IGSF21: variants seen among roughly 807,000 people sequenced by gnomAD.
IGSF21 encodes immunoglobulin superfamily member 21.
Under a neutral mutation model 46.8 loss-of-function variants are expected in IGSF21, and 28 were observed. The observed-to-expected ratio is 0.60, with a 90% CI of 0.44 to 0.82. The LOEUF (loss-of-function observed/expected upper bound fraction) is 0.82. IGSF21 is among the 40% of genes least tolerant of loss of function. The pLI is 0.00. For missense variants in IGSF21, 624 were observed against 665.5 expected (o/e 0.94, Z 0.69); for synonymous variants, 284 against 273.6 (o/e 1.04, Z -0.38).
Position 18,301,471 on chromosome 1 carries a change from C to G in IGSF21, c.305+9484C>G, listed in dbSNP as rs184854789. On this transcript the variant is annotated intron_variant, in intron 3 of 9. Coordinates refer to ENST00000251296, the MANE Select transcript of IGSF21 (RefSeq NM_032880.5). Reference sequence around the variant, plus strand: ...TCTCCTGCCTCAGCCTCCCGAGTAGCTGGGATTACAGGCACCCACCACCAC... The same window carrying G: ...TCTCCTGCCTCAGCCTCCCGAGTAGGTGGGATTACAGGCACCCACCACCAC... Among the ~76,000 whole-genome samples the G allele has an allele frequency of 3.9e-5, 6 of 152,320 alleles. No homozygotes were observed. The East Asian group carries it at 1.2e-3, about 29-fold the overall frequency.
intron 2 of IGSF21, among the ~76,000 whole-genome samples, chr1:18,261,272 G>C (rs79916013): frequency 0.011 from 1,659 of 152,300 alleles, 31 homozygotes; most frequent in African/African-American, 0.038. Context: ...TGCAAGAAGG[G>C]AGAAGAGGAG....
rs1015689054 is a variant in IGSF21 at position 18,147,368 on chromosome 1, G to A, written c.70+39170G>A. The stretch of plus-strand genomic sequence containing the variant: ...CTGGCCCGCTTGCTTTCTCCCAAGC[G>A]TGCTTGTCCAGCCTATGGGCCTTTG... On this transcript the variant is annotated intron_variant, in intron 1 of 9. Transcript: ENST00000251296. Among the ~76,000 whole-genome samples the A allele has an allele frequency of 2.6e-4, 40 of 151,856 alleles. 1 individual carries two copies. The highest frequency in any genetic ancestry group is 8.5e-4 in the Admixed American group (13 of 15,244).
In IGSF21 at chr1:18,376,946, G is replaced by C; in HGVS notation, c.1248G>C (p.Gln416His). 6.2e-7 allele frequency: 1 copy of C among 1,607,202 alleles called. No individual in the cohort carries two copies. Among genetic ancestry groups the C allele is most frequent in the South Asian group, 1.1e-5 (1 of 90,872 alleles). The part of the protein sequence containing the change: ...LNGSMYRCTA[Q>H]NPLGSTDTHT... ...GCTCCATGTATCGCTGCACCGCCCA[G>C]AACCCACTGGGCTCCACCGACACGC... The change falls in exon 8 of 10, where the codon CAG becomes CAC. Residue 416 changes from glutamine to histidine, a missense_variant. Physicochemically the swap from Gln to His is conservative, Grantham distance 24. Transcript: ENST00000251296.
Position 18,173,906 on chromosome 1 carries a change from A to C in IGSF21, c.71-53992A>C, listed in dbSNP as rs191311091. On this transcript the variant is annotated intron_variant, in intron 1 of 9. Coordinates refer to ENST00000251296, the MANE Select transcript of IGSF21 (RefSeq NM_032880.5). ...GTAGCTGGGACTACAGGCGAGTGCC[A>C]CCACGCCCAGCTAATTTTTGTATTT... 3.1e-4 allele frequency among the ~76,000 whole-genome samples: 47 copies of C among 152,226 alleles called. No individual in the cohort carries two copies. In the East Asian group the frequency reaches 8.9e-3, roughly 29 times the overall value.
At chr1:18,328,008 T>G (rs1170298489) in intron 3 of IGSF21, among the ~76,000 whole-genome samples, 1 of 152,206 alleles carries the variant, frequency 6.6e-6, no homozygotes, top group African/African-American at 2.4e-5. Context: ...GATTGATGTT[T>G]GTTTTAATGA....
At position 18,107,909 on chromosome 1, in the gene IGSF21, C is replaced by T. The variant is rs3767109; in HGVS notation, c.-220C>T. The T allele has an allele frequency of 0.018, 3,235 of 178,358 alleles. 41 individuals carry two copies. Among genetic ancestry groups the T allele is most frequent in the East Asian group, 0.051 (316 of 6,176 alleles). 11.0% of individuals were successfully genotyped at this position (178,358 alleles called of 1,614,324 possible). ...GCGAGCCCCGAGGACGCCCAGAGCGCGAGGGTCGCTGCGCCTCGCAGAGCC... is the reference window on the plus strand; with the variant it reads ...GCGAGCCCCGAGGACGCCCAGAGCGTGAGGGTCGCTGCGCCTCGCAGAGCC... On this transcript the variant is annotated 5_prime_UTR_variant, in exon 1 of 10. Transcript: ENST00000251296.
At chr1:18,118,476 C>T (rs2086206832) in intron 1 of IGSF21, among the ~76,000 whole-genome samples, 1 of 152,212 alleles carries the variant, frequency 6.6e-6, no homozygotes, top group Non-Finnish European at 1.5e-5. Flanking sequence ...AGTGGGTATT[C>T]AGACCATACA....
chr1:18,145,017 T>A (rs974940374), intron 1 of IGSF21, among the ~76,000 whole-genome samples: 1 of 152,112 alleles, frequency 6.6e-6, no homozygotes, highest in African/African-American at 2.4e-5. Context: ...GATAACTTTT[T>A]TTATTATTAT....
chr1:18,151,878 C>T (rs1208783492), intron 1 of IGSF21, among the ~76,000 whole-genome samples: 4 of 152,136 alleles, frequency 2.6e-5, no homozygotes, highest in Non-Finnish European at 4.4e-5. Context: ...CCAAATGGGA[C>T]CATTTTAAGG....
intron 1 of IGSF21, among the ~76,000 whole-genome samples, chr1:18,169,763 G>A (rs2086717962): frequency 1.3e-5 from 2 of 152,172 alleles, no homozygotes; most frequent in Admixed American, 6.5e-5. Context: ...GAGTCCTGGG[G>A]GTGCGGGGAA....
chr1:18,202,725 C>T (rs1489065068), intron 1 of IGSF21, among the ~76,000 whole-genome samples: 4 of 152,296 alleles, frequency 2.6e-5, no homozygotes, highest in South Asian at 2.1e-4. Flanking sequence ...TCCCTTGATA[C>T]GTGGGGATTA....
rs144777042 is a variant in IGSF21, at chr1:18,368,184, G to A, written c.1015+2487G>A. Among the ~76,000 whole-genome samples the A allele has an allele frequency of 2.4e-3, 360 of 151,886 alleles. 1 individual carries two copies. Among genetic ancestry groups the A allele is most frequent in the African/African-American group, 8.2e-3 (339 of 41,410 alleles). ...TCTGTCACAGGTGCCCACTTCCTGG[G>A]TACTCTTTGTTCATCATTCCATAAA... On this transcript the variant is annotated intron_variant, in intron 6 of 9. Transcript: ENST00000251296.
At chr1:18,207,447 G>T (rs1442506394) in intron 1 of IGSF21, among the ~76,000 whole-genome samples, 2 of 152,182 alleles carry the variant, frequency 1.3e-5, no homozygotes, top group South Asian at 4.1e-4. Context: ...CTCATGTGAG[G>T]CATGGTTTAG....
chr1:18,246,430 C>T (rs980073366), intron 2 of IGSF21, among the ~76,000 whole-genome samples: 2 of 152,098 alleles, frequency 1.3e-5, no homozygotes, highest in South Asian at 4.2e-4. Flanking sequence ...TTGTAATCTC[C>T]CTTCACCTAA....
At position 18,322,419 on chromosome 1, in the gene IGSF21, C is replaced by T. The variant is rs2085612368; in HGVS notation, c.306-12473C>T. On this transcript the variant is annotated intron_variant, in intron 3 of 9. Transcript: ENST00000251296. This position sits in a 1 kb window ranked among gnomAD's most constrained non-coding sequence, Gnocchi z 4.3. ...AACAGGCTTGGGGCCTTCCTGATGC[C>T]AGCTCTCACCCACCACCAAGTAGAG... Among the ~76,000 whole-genome samples the T allele has an allele frequency of 6.6e-6, 1 of 151,956 alleles. No individual in the cohort carries two copies. Among genetic ancestry groups the T allele is most frequent in the Non-Finnish European group, 1.5e-5 (1 of 68,006 alleles).
intron 1 of IGSF21, 66 bp from the exon 2 acceptor site, chr1:18,227,832 C>A: frequency 8.7e-7 from 1 of 1,153,804 alleles, no homozygotes; most frequent in Non-Finnish European, 1.3e-6. Flanking sequence ...CCTGGCCCTG[C>A]CCTCATCAGC....
At chr1:18,133,043 A>G (rs1233378790) in intron 1 of IGSF21, among the ~76,000 whole-genome samples, 16 of 152,230 alleles carry the variant, frequency 1.1e-4, no homozygotes, top group Admixed American at 1.0e-3. Context: ...CTAGATGCAA[A>G]GCACTTTTTT....
chr1:18,170,103 T>G (rs1311877023), intron 1 of IGSF21, among the ~76,000 whole-genome samples: 1 of 151,998 alleles, frequency 6.6e-6, no homozygotes, highest in Non-Finnish European at 1.5e-5. Flanking sequence ...GTGCCCTCAT[T>G]GTGGAGAAGG....
Position 18,133,352 on chromosome 1 carries a change from G to A in IGSF21, c.70+25154G>A, listed in dbSNP as rs75282026. Among the ~76,000 whole-genome samples the A allele has an allele frequency of 7.2e-3, 1,092 of 152,310 alleles. 4 individuals are homozygous for A. Among genetic ancestry groups the A allele is most frequent in the Non-Finnish European group, 0.012 (794 of 68,026 alleles). On this transcript the variant is annotated intron_variant, in intron 1 of 9. Coordinates refer to ENST00000251296, the MANE Select transcript of IGSF21 (RefSeq NM_032880.5). ...ACGGCTTCCCTGATTCCAATTTGGC[G>A]GAAGACAGTGGGTTTGCAGAGTGGC...
Sources: gnomAD v4.1 joint callset for allele counts (sites outside exome capture counted in the v4.1 genomes callset) on GRCh38, gnomAD v4.1.1 for gene constraint, Gnocchi (gnomAD v3.1) non-coding constraint, MANE v1.5 for transcripts, NCBI Gene and HGNC (gene_info 2026-07-23, HGNC 2026-07-21) for gene names.